Variants in STK3 observed in about 807,000 individuals in gnomAD.
STK3 encodes serine/threonine kinase 3, also known as serine/threonine-protein kinase 3.
In STK3, 41 loss-of-function variants were observed where a neutral mutation model predicts 58.0. The ratio of observed to expected loss-of-function variants is 0.71; its 90% CI spans 0.55 to 0.92. The LOEUF is 0.92. STK3 is among the 40% of genes least tolerant of loss of function. The probability of loss-of-function intolerance (pLI) is 0.00; values close to 1 mark genes in which losing one functional copy is unlikely to be tolerated. For missense variants in STK3, 479 were observed against 602.7 expected (o/e 0.79, Z 2.15); for synonymous variants, 170 against 191.0 (o/e 0.89, Z 0.91).
chr8:98,442,640 C>T (rs1202774402), intron 1 of STK3, among the ~76,000 whole-genome samples: 1 of 152,196 alleles, frequency 6.6e-6, no homozygotes, highest in African/African-American at 2.4e-5. Flanking sequence ...AGCAGCATTA[C>T]GAATAATATC....
chr8:98,663,282 A>G (rs2130798485), intron 6 of STK3, among the ~76,000 whole-genome samples: 1 of 152,336 alleles, frequency 6.6e-6, no homozygotes, highest in Middle Eastern at 3.4e-3. Context: ...GCTCATCATC[A>G]CTGGCCATCA....
chr8:98,361,587 A>T, the STK3 span, among the ~76,000 whole-genome samples: 1 of 152,194 alleles, frequency 6.6e-6, no homozygotes, highest in African/African-American at 2.4e-5. Context: ...TATGATCTTA[A>T]CAAAAAGGAT....
upstream of STK3, among the ~76,000 whole-genome samples, chr8:98,829,864 C>T (rs1301330749): frequency 6.6e-6 from 1 of 152,072 alleles, no homozygotes; most frequent in African/African-American, 2.4e-5. Context: ...AAAAAAGTAC[C>T]TAATGGGTCA....
In STK3 at chr8:98,915,322, C is replaced by T. The variant is rs190571036; in HGVS notation, c.-79+27056G>A. Among the ~76,000 whole-genome samples, 464 of 151,580 alleles carry T rather than the reference C, an allele frequency of 3.1e-3. 4 individuals are homozygous for T. Among genetic ancestry groups the T allele is most frequent in the Middle Eastern group, 6.9e-3 (2 of 290 alleles). On this transcript the variant is annotated intron_variant, in intron 1 of 1. Coordinates refer to the STK3 transcript ENST00000519420. ...ATGCTTCCTGCCCTCGAACATCGGA[C>T]TCCAAGTTCTTCAGTTTTGGGACTT...
At chr8:98,477,469 C>T (rs994469090) in intron 10 of STK3, among the ~76,000 whole-genome samples, 6 of 151,904 alleles carry the variant, frequency 3.9e-5, no homozygotes, top group African/African-American at 1.2e-4. Context: ...AGCCATGGTG[C>T]ACCCTCAATG....
intron 1 of STK3, among the ~76,000 whole-genome samples, chr8:98,791,036 G>T (rs559343196): frequency 6.6e-6 from 1 of 151,352 alleles, no homozygotes; most frequent in Admixed American, 6.6e-5. Flanking sequence ...AGCTGTTGCT[G>T]TTTGCTGATG....
chr8:98,754,661 C>T (rs886178692), intron 3 of STK3, among the ~76,000 whole-genome samples: 3 of 152,026 alleles, frequency 2.0e-5, no homozygotes, highest in Admixed American at 1.3e-4. Context: ...AGGCCTGTGT[C>T]ACCACGCCCA....
chr8:98,741,584 A>G (rs940203609), intron 4 of STK3, among the ~76,000 whole-genome samples: 1 of 152,210 alleles, frequency 6.6e-6, no homozygotes, highest in Non-Finnish European at 1.5e-5. Context: ...TCGCTGGGAC[A>G]CATTCAAAGC....
chr8:98,367,344 T>TG (rs954666217), downstream of STK3, among the ~76,000 whole-genome samples: 9 of 152,290 alleles, frequency 5.9e-5, no homozygotes, highest in Admixed American at 3.9e-4. Flanking sequence ...AGTGAGTCAG[T>TG]GGGGGTGAGT....
chr8:98,703,366 T>C (rs1438758936), intron 6 of STK3, among the ~76,000 whole-genome samples: 1 of 152,132 alleles, frequency 6.6e-6, no homozygotes, highest in African/African-American at 2.4e-5. Flanking sequence ...CAATGGAGGA[T>C]AAAATATTTA....
In STK3 at chr8:98,527,058, G is replaced by A. The variant is rs1474402623; in HGVS notation, c.1142-141C>T. ...AGGCCAACATAATTAATTTCATAAA[G>A]AACAAAGTGAAATAAAATAAGAATT... is the stretch of plus-strand genomic sequence containing the variant. On this transcript the variant is annotated intron_variant, in intron 9 of 10. Transcript: ENST00000419617. The A allele has an allele frequency of 7.3e-6, 4 of 550,348 alleles. No individual in the cohort carries two copies. The East Asian group carries it at 1.3e-4, about 18-fold the overall frequency. The allele number at this position is 550,348 out of a possible 1,614,324, so 34.1% of individuals were successfully genotyped here. A position where few individuals can be genotyped will look rare whatever the true frequency, so the allele number is the denominator to read the frequency against.
intron 1 of STK3, among the ~76,000 whole-genome samples, chr8:98,818,867 C>T (rs950201675): frequency 1.3e-5 from 2 of 152,110 alleles, no homozygotes; most frequent in Admixed American, 6.6e-5. Context: ...GTCGCCCAGG[C>T]TGGAGTTCGG....
chr8:98,665,173 C>T (rs745422715), intron 6 of STK3, among the ~76,000 whole-genome samples: 1 of 152,216 alleles, frequency 6.6e-6, no homozygotes, highest in Non-Finnish European at 1.5e-5. Flanking sequence ...TCAAAACAAA[C>T]TTGAAAGGTA....
chr8:98,838,717 A>G (rs1835844030), intron 3 of STK3, among the ~76,000 whole-genome samples: 1 of 152,186 alleles, frequency 6.6e-6, no homozygotes, highest in African/African-American at 2.4e-5. Context: ...ATGCATATTA[A>G]CACAGCAAAA....
intron 1 of STK3, chr8:98,437,541 A>T (rs1818536698): frequency 6.6e-6 from 1 of 151,012 alleles, no homozygotes; most frequent in Non-Finnish European, 1.5e-5. Flanking sequence ...TCCACTTAAA[A>T]CTCTTTTTGT....
At chr8:98,652,062 A>T (rs1325612090) in intron 6 of STK3, among the ~76,000 whole-genome samples, 1 of 152,192 alleles carries the variant, frequency 6.6e-6, no homozygotes, top group Non-Finnish European at 1.5e-5. Context: ...GAAGGAAAAA[A>T]TGTTAAGGGC....
At chr8:98,479,162 T>A (rs1487353541) in intron 10 of STK3, among the ~76,000 whole-genome samples, 1 of 152,036 alleles carries the variant, frequency 6.6e-6, no homozygotes, top group Admixed American at 6.5e-5. Context: ...TGCAGGTGTG[T>A]AGTTTAGCAG....
At chr8:98,656,261 C>T (rs1157895084) in intron 6 of STK3, among the ~76,000 whole-genome samples, 1 of 151,860 alleles carries the variant, frequency 6.6e-6, no homozygotes, top group Non-Finnish European at 1.5e-5. Context: ...TGCATGTTCT[C>T]ACTCATAGGT....
intron 10 of STK3, among the ~76,000 whole-genome samples, chr8:98,505,960 G>T (rs1326314783): frequency 6.6e-6 from 1 of 152,264 alleles, no homozygotes; most frequent in Non-Finnish European, 1.5e-5. Context: ...TAAGTCTGCA[G>T]AAGTTTCTGC....
Sources: allele counts gnomAD v4.1 joint callset (sites outside exome capture counted in the v4.1 genomes callset), GRCh38; gene constraint gnomAD v4.1.1; transcripts MANE v1.5; gene names NCBI Gene and HGNC (gene_info 2026-07-23, HGNC 2026-07-21).